ESR1: variants seen among roughly 807,000 people sequenced by gnomAD.
ESR1 encodes estrogen receptor 1, also known as estrogen receptor.
ESR1 carries 12 observed loss-of-function variants against 52.7 expected under a neutral mutation model. That is an observed-to-expected ratio of 0.23 (90% CI 0.15 to 0.37). ESR1 has a LOEUF of 0.37. Among genes scored for constraint, ESR1 ranks in the 10% least tolerant of loss-of-function variants. ESR1 has a pLI of 1.00. For missense variants in ESR1, 584 were observed against 779.7 expected (o/e 0.75, Z 2.99); for synonymous variants, 305 against 316.8 (o/e 0.96, Z 0.39).
chr6:151,943,390 C>CAA (rs202199134), intron 3 of ESR1, among the ~76,000 whole-genome samples: 6 of 138,848 alleles, frequency 4.3e-5, no homozygotes, highest in African/African-American at 8.4e-5. Flanking sequence ...AAAAAAAAAA[C>CAA]AAAAAAAAAC....
chr6:151,680,968 C>T (rs1486747874), intron 1 of ESR1, among the ~76,000 whole-genome samples: 1 of 152,132 alleles, frequency 6.6e-6, no homozygotes, highest in Non-Finnish European at 1.5e-5. Context: ...GGTAGACGCC[C>T]CGTCTCTGGG....
chr6:152,007,575 A>G (rs894212881), intron 4 of ESR1, among the ~76,000 whole-genome samples: 1 of 152,100 alleles, frequency 6.6e-6, no homozygotes, highest in African/African-American at 2.4e-5. Flanking sequence ...AATATAGACT[A>G]GGGATTAAAA....
intron 2 of ESR1, among the ~76,000 whole-genome samples, chr6:151,870,182 C>T (rs1323454552): frequency 1.3e-5 from 2 of 152,072 alleles, no homozygotes; most frequent in Non-Finnish European, 2.9e-5. Context: ...TAATACGTTG[C>T]TTTCTACTTT....
intron 4 of ESR1, among the ~76,000 whole-genome samples, chr6:151,952,032 AG>A (rs1321648960): frequency 6.6e-6 from 1 of 152,216 alleles, no homozygotes; most frequent in Non-Finnish European, 1.5e-5. Flanking sequence ...ATTTGGATTT[AG>A]GTCCCACCCT....
chr6:152,017,972 C>T (rs993831629), intron 5 of ESR1, among the ~76,000 whole-genome samples: 7 of 152,018 alleles, frequency 4.6e-5, no homozygotes, highest in Non-Finnish European at 7.4e-5. Context: ...AAGCAGGGAC[C>T]AATTCAACAA....
intron 6 of ESR1, chr6:152,122,474 G>T: frequency 6.2e-7 from 1 of 1,614,176 alleles, no homozygotes; most frequent in Non-Finnish European, 8.5e-7. Context: ...CTGAGCATGG[G>T]GTGGAATGAC....
At chr6:152,071,917 G>T (rs1313829386) in intron 6 of ESR1, among the ~76,000 whole-genome samples, 2 of 152,146 alleles carry the variant, frequency 1.3e-5, no homozygotes, top group Non-Finnish European at 2.9e-5. Flanking sequence ...CATTTTTAAG[G>T]CTCTTGCTAC....
intron 2 of ESR1, among the ~76,000 whole-genome samples, chr6:151,724,144 G>GCCT (rs1781670469): frequency 6.6e-6 from 1 of 152,090 alleles, no homozygotes; most frequent in South Asian, 2.1e-4. Flanking sequence ...AGCGACAGAT[G>GCCT]CCTCTAAAGG....
intron 5 of ESR1, among the ~76,000 whole-genome samples, chr6:152,059,552 A>G (rs2047384769): frequency 6.6e-6 from 1 of 152,160 alleles, no homozygotes; most frequent in African/African-American, 2.4e-5. Context: ...ATGACAAATA[A>G]CAGAAAAATA....
chr6:151,961,311 G>A (rs566547752), intron 4 of ESR1, among the ~76,000 whole-genome samples: 9 of 152,294 alleles, frequency 5.9e-5, no homozygotes, highest in African/African-American at 2.2e-4. Flanking sequence ...AAAGACAAAT[G>A]AAGATGGTAT....
intron 3 of ESR1, among the ~76,000 whole-genome samples, chr6:151,918,456 C>T (rs1008968467): frequency 6.6e-6 from 1 of 152,208 alleles, no homozygotes. Flanking sequence ...AATGGTGTAT[C>T]ACCCCAAAGG....
At chr6:152,002,452 C>T (rs1469458783) in intron 4 of ESR1, among the ~76,000 whole-genome samples, 1 of 151,936 alleles carries the variant, frequency 6.6e-6, no homozygotes, top group African/African-American at 2.4e-5. Context: ...ATTTGAAATG[C>T]TCGTAGATCT....
At chr6:151,666,405 C>G (rs535710471) in intron 1 of ESR1, among the ~76,000 whole-genome samples, 1 of 152,264 alleles carries the variant, frequency 6.6e-6, no homozygotes, top group African/African-American at 2.4e-5. Flanking sequence ...AGTGCATGTT[C>G]CTGTTCTCTG....
chr6:152,076,777 A>G (rs901228821), intron 6 of ESR1, among the ~76,000 whole-genome samples: 1 of 151,968 alleles, frequency 6.6e-6, no homozygotes, highest in South Asian at 2.1e-4. Flanking sequence ...GATTTGTGGA[A>G]TTTGAACTTG....
intron 6 of ESR1, among the ~76,000 whole-genome samples, chr6:152,112,029 GA>G (rs1012465358): frequency 6.6e-6 from 1 of 152,186 alleles, no homozygotes; most frequent in Admixed American, 6.5e-5. Flanking sequence ...CGTGTATAAA[GA>G]AAAACATTAA....
At chr6:151,715,039 G>C (rs997128931) in intron 2 of ESR1, among the ~76,000 whole-genome samples, 3 of 152,072 alleles carry the variant, frequency 2.0e-5, no homozygotes, top group African/African-American at 7.2e-5. Flanking sequence ...CTGGTGGTGA[G>C]AAAATCTCTC....
intron 2 of ESR1, among the ~76,000 whole-genome samples, chr6:151,851,761 C>T (rs1398401006): frequency 6.6e-6 from 1 of 152,152 alleles, no homozygotes; most frequent in Non-Finnish European, 1.5e-5. Context: ...CTCCTGACCT[C>T]AGGTGATCTA....
At chr6:151,748,637 G>A (rs574683639) in intron 2 of ESR1, among the ~76,000 whole-genome samples, 1 of 152,176 alleles carries the variant, frequency 6.6e-6, no homozygotes, top group African/African-American at 2.4e-5. Context: ...CAGGGGATGA[G>A]AGTGCCTATT....
chr6:151,839,782 T>G (rs1006689010), intron 1 of ESR1, among the ~76,000 whole-genome samples: 2 of 152,044 alleles, frequency 1.3e-5, no homozygotes, highest in Non-Finnish European at 2.9e-5. Flanking sequence ...AGTAGATTGG[T>G]GGCTGCTAGG....
Sources: gnomAD v4.1 joint callset for allele counts (sites outside exome capture counted in the v4.1 genomes callset) on GRCh38, gnomAD v4.1.1 for gene constraint, MANE v1.5 for transcripts, NCBI Gene and HGNC (gene_info 2026-07-23, HGNC 2026-07-21) for gene names.